KANK1: variants seen among roughly 807,000 people sequenced by gnomAD.
KANK1 encodes KN motif and ankyrin repeat domains 1.
KANK1 carries 109 observed loss-of-function variants against 106.2 expected under a neutral mutation model. The observed-to-expected ratio is 1.03, with a 90% confidence interval of 0.88 to 1.20. The LOEUF is 1.20. Among genes scored for constraint, KANK1 ranks in the 50% most tolerant of loss-of-function variants. KANK1 has a pLI of 0.00. For missense variants in KANK1, 2,399 were observed against 1,710.7 expected (o/e 1.40, Z -7.10); for synonymous variants, 873 against 652.2 (o/e 1.34, Z -5.16).
At chr9:504,635 C>T (rs1057217258), upstream of KANK1, 31 of 151,418 alleles carry the variant, frequency 2.0e-4, no homozygotes, top group African/African-American at 7.2e-4. Flanking sequence ...GCGGTTCGGG[C>T]TTTAATTCTG....
chr9:646,732 C>G lies in KANK1; in HGVS notation c.-83-30158C>G, dbSNP rs528980028. Among the ~76,000 whole-genome samples, 5 of 149,778 alleles carry G rather than the reference C, an allele frequency of 3.3e-5. No homozygotes were observed. In the South Asian group the frequency reaches 8.3e-4, roughly 25 times the overall value. On this transcript the variant is annotated intron_variant, in intron 1 of 11. Coordinates refer to ENST00000382297, the MANE Select transcript of KANK1 (RefSeq NM_015158.5). ...TTAAAGACAGTCTCTCTCTGTCACC[C>G]AGGCTGGAGTGCAGTGGCACGATCT... is the stretch of plus-strand genomic sequence containing the variant.
Position 644,047 on chromosome 9 carries a change from G to T in KANK1, c.-83-32843G>T, listed in dbSNP as rs923962186. Among the ~76,000 whole-genome samples, 16 of 150,886 alleles carry T rather than the reference G, an allele frequency of 1.1e-4. 2 individuals carry two copies. The highest frequency in any genetic ancestry group is 4.0e-4 in the African/African-American group (16 of 40,220). ...GAGAAAATGTATGTCCTAGTGTAGT[G>T]TGGTGTGTCATTAGAAGCATGATTT... On this transcript the variant is annotated intron_variant, in intron 1 of 11. Coordinates refer to ENST00000382297, the MANE Select transcript of KANK1 (RefSeq NM_015158.5).
chr9:545,295 G>A (rs138450266), intron 1 of KANK1, among the ~76,000 whole-genome samples: 131 of 152,298 alleles, frequency 8.6e-4, no homozygotes, highest in African/African-American at 3.1e-3. Flanking sequence ...AGATGGATGA[G>A]CTCATTTATG....
intron 3 of KANK1, among the ~76,000 whole-genome samples, chr9:723,497 G>A (rs1440089392): frequency 1.4e-5 from 2 of 145,206 alleles, no homozygotes; most frequent in Non-Finnish European, 2.9e-5. Context: ...CAAGCACCTG[G>A]GTCCTGTGTC....
intron 1 of KANK1, among the ~76,000 whole-genome samples, chr9:626,230 G>A (rs564169022): frequency 3.9e-5 from 6 of 152,228 alleles, no homozygotes; most frequent in South Asian, 4.1e-4. Context: ...TTAGGAGGCC[G>A]AGGCAGGCAG....
intron 1 of KANK1, among the ~76,000 whole-genome samples, chr9:574,837 A>G (rs1337700798): frequency 6.7e-6 from 1 of 149,170 alleles, no homozygotes; most frequent in Non-Finnish European, 1.5e-5. Flanking sequence ...CTTAGGTGAC[A>G]GAGTGAGACT....
chr9:640,870 G>C (rs552101244), intron 1 of KANK1, among the ~76,000 whole-genome samples: 2 of 151,556 alleles, frequency 1.3e-5, no homozygotes, highest in East Asian at 1.9e-4. Context: ...CTAATTTTTT[G>C]TATTTTTAGT....
chr9:660,962 C>G (rs1194049401), intron 1 of KANK1, among the ~76,000 whole-genome samples: 1 of 152,158 alleles, frequency 6.6e-6, no homozygotes, highest in African/African-American at 2.4e-5. Context: ...AAAGTTAAAC[C>G]TTTGACAAGG....
At chr9:641,651 A>C (rs948599043) in intron 1 of KANK1, among the ~76,000 whole-genome samples, 1 of 152,212 alleles carries the variant, frequency 6.6e-6, no homozygotes, top group African/African-American at 2.4e-5. Context: ...TGGAGGAATG[A>C]TTCAGTGAGA....
intron 1 of KANK1, among the ~76,000 whole-genome samples, chr9:655,736 T>C (rs528791442): frequency 2.7e-4 from 41 of 152,358 alleles, no homozygotes; most frequent in Middle Eastern, 3.4e-3. Context: ...AAAAGCAATG[T>C]CATTGAGATT....
intron 3 of KANK1, among the ~76,000 whole-genome samples, chr9:493,562 T>TC (rs2058412081): frequency 6.7e-6 from 1 of 149,766 alleles, no homozygotes; most frequent in African/African-American, 2.5e-5. Flanking sequence ...TGCTTTTTTT[T>TC]TTTTTTTTTT....
At chr9:697,153 T>G (rs1821520154) in intron 2 of KANK1, among the ~76,000 whole-genome samples, 2 of 152,096 alleles carry the variant, frequency 1.3e-5, no homozygotes, top group South Asian at 4.1e-4. Context: ...TCCTTCCATC[T>G]GAAAAGTTCT....
At chr9:483,452 T>C (rs2058241541) in intron 3 of KANK1, among the ~76,000 whole-genome samples, 1 of 152,114 alleles carries the variant, frequency 6.6e-6, no homozygotes, top group South Asian at 2.1e-4. Context: ...AGGCAGTGAA[T>C]AGTTGCTAGG....
chr9:613,375 T>A (rs1052953420), intron 1 of KANK1, among the ~76,000 whole-genome samples: 2 of 151,370 alleles, frequency 1.3e-5, no homozygotes, highest in African/African-American at 4.9e-5. Context: ...GACAAGCTTG[T>A]CCAACCCATG....
At chr9:494,293 C>T (rs1377109280) in intron 3 of KANK1, among the ~76,000 whole-genome samples, 1 of 152,194 alleles carries the variant, frequency 6.6e-6, no homozygotes, top group East Asian at 1.9e-4. Flanking sequence ...AGTTTACAAG[C>T]ATTCATTTTT....
intron 1 of KANK1, among the ~76,000 whole-genome samples, chr9:650,285 T>C (rs924993274): frequency 6.6e-6 from 1 of 152,214 alleles, no homozygotes; most frequent in African/African-American, 2.4e-5. Context: ...GAATGTATAT[T>C]ATTTAATTCT....
At chr9:660,279 G>T in intron 1 of KANK1, 2 of 235,580 alleles carry the variant, frequency 8.5e-6, no homozygotes, top group East Asian at 1.0e-4. Flanking sequence ...GTTCCTCTTA[G>T]AGATTGGAAT....
intron 1 of KANK1, among the ~76,000 whole-genome samples, chr9:654,157 C>T (rs1321733586): frequency 1.3e-5 from 2 of 152,212 alleles, no homozygotes; most frequent in African/African-American, 4.8e-5. Context: ...AGTTAACACA[C>T]TGATGACTGG....
Position 504,765 on chromosome 9 carries a change from C to CG in KANK1, c.-84+13dup, listed in dbSNP as rs1412336932. 1.3e-4 allele frequency: 6 copies of CG among 45,276 alleles called. No homozygotes were observed. Among genetic ancestry groups the CG allele is most frequent in the Admixed American group, 2.5e-4 (1 of 3,994 alleles). The allele number at this position is 45,276 out of a possible 1,614,324, so 2.8% of individuals were successfully genotyped here. A position where few individuals can be genotyped will look rare whatever the true frequency, so the allele number is the denominator to read the frequency against. The stretch of plus-strand genomic sequence containing the variant: ...GAGGAGCGGCCGAAGGTGAGTGACG[C>CG]GGCGGGGCCGTGCCGCGCCCCGTGC... On this transcript the variant is annotated intron_variant, in intron 1 of 11. Coordinates refer to ENST00000382297, the MANE Select transcript of KANK1 (RefSeq NM_015158.5).
Sources: gnomAD v4.1 joint callset for allele counts (sites outside exome capture counted in the v4.1 genomes callset) on GRCh38, gnomAD v4.1.1 for gene constraint, MANE v1.5 for transcripts, NCBI Gene and HGNC (gene_info 2026-07-23, HGNC 2026-07-21) for gene names.